The following CDH12 variants were observed in gnomAD, a reference collection of about 807,000 sequenced individuals.
The protein encoded by CDH12 is cadherin 12.
In CDH12, 41 loss-of-function variants were observed where a neutral mutation model predicts 74.1. The ratio of observed to expected loss-of-function variants is 0.55; its 90% confidence interval spans 0.43 to 0.72. The LOEUF (loss-of-function observed/expected upper bound fraction) is 0.72, where lower values mean the gene tolerates loss of function less well. CDH12 is among the 30% of genes least tolerant of loss of function. CDH12 has a pLI of 0.00. For missense variants in CDH12, 945 were observed against 977.2 expected, an observed-to-expected ratio of 0.97 and a Z score of 0.44; for synonymous variants, 399 against 355.0, an observed-to-expected ratio of 1.12 and a Z score of -1.39.
chr5:22,456,723 C>T (rs1745291327), intron 2 of CDH12, among the ~76,000 whole-genome samples: 1 of 152,046 alleles, frequency 6.6e-6, no homozygotes, highest in African/African-American at 2.4e-5. Context: ...TTAGCTCATG[C>T]AAGTTTCAGT....
chr5:21,942,083 A>C (rs1169552800), intron 6 of CDH12, among the ~76,000 whole-genome samples: 1 of 152,072 alleles, frequency 6.6e-6, no homozygotes, highest in Non-Finnish European at 1.5e-5. Context: ...TAAGACTGAG[A>C]AGATGCCTTC....
intron 6 of CDH12, among the ~76,000 whole-genome samples, chr5:21,902,673 C>G (rs1458589822): frequency 6.6e-6 from 1 of 152,152 alleles, no homozygotes; most frequent in Non-Finnish European, 1.5e-5. Context: ...TCTATCTGCT[C>G]TGAACAATAA....
At chr5:22,753,596 T>C (rs575312374) in intron 1 of CDH12, among the ~76,000 whole-genome samples, 27 of 149,530 alleles carry the variant, frequency 1.8e-4, no homozygotes, top group Non-Finnish European at 3.8e-4. Flanking sequence ...TTATGTGTTG[T>C]ATAAATGGAA....
At chr5:22,266,355 G>A (rs1319734610) in intron 3 of CDH12, among the ~76,000 whole-genome samples, 1 of 152,038 alleles carries the variant, frequency 6.6e-6, no homozygotes, top group Non-Finnish European at 1.5e-5. Flanking sequence ...TTACAGGTGT[G>A]AGCCACCATG....
At chr5:22,033,073 C>T (rs942909948) in intron 5 of CDH12, among the ~76,000 whole-genome samples, 21 of 148,278 alleles carry the variant, frequency 1.4e-4, no homozygotes, top group Middle Eastern at 3.6e-3. Context: ...CTGACTCAGA[C>T]TATTATTTTA....
At chr5:22,264,875 G>T (rs761928055) in intron 3 of CDH12, among the ~76,000 whole-genome samples, 12 of 152,142 alleles carry the variant, frequency 7.9e-5, no homozygotes, top group Non-Finnish European at 1.3e-4. Context: ...AATCCAATCT[G>T]TGTGTGCAAT....
chr5:21,952,418 A>G (rs1755903274), intron 6 of CDH12, among the ~76,000 whole-genome samples: 1 of 152,192 alleles, frequency 6.6e-6, no homozygotes, highest in Non-Finnish European at 1.5e-5. Flanking sequence ...TAAAAGCACT[A>G]GGATATTCAC....
At chr5:22,388,289 T>C (rs1254060329) in intron 3 of CDH12, among the ~76,000 whole-genome samples, 3 of 152,036 alleles carry the variant, frequency 2.0e-5, no homozygotes, top group African/African-American at 4.8e-5. Context: ...CTTTCATGTA[T>C]AAAGCAATTA....
At chr5:22,444,120 C>A (rs1260926040) in intron 2 of CDH12, among the ~76,000 whole-genome samples, 2 of 151,910 alleles carry the variant, frequency 1.3e-5, no homozygotes, top group African/African-American at 4.8e-5. Context: ...TAAAATTACA[C>A]AACTTGAAAA....
At chr5:22,027,946 G>A (rs1738497687) in intron 5 of CDH12, among the ~76,000 whole-genome samples, 1 of 151,908 alleles carries the variant, frequency 6.6e-6, no homozygotes, top group Middle Eastern at 3.4e-3. Flanking sequence ...TCTCTTGTGG[G>A]CATTTAGTGC....
chr5:21,765,286 T>A (rs1744959458), intron 11 of CDH12, among the ~76,000 whole-genome samples, 187 bp from the exon 12 acceptor site: 1 of 152,142 alleles, frequency 6.6e-6, no homozygotes, highest in Admixed American at 6.5e-5. Context: ...TAGAATTCAA[T>A]ACCAAAGTAA....
At chr5:22,404,356 C>T (rs767087052) in intron 3 of CDH12, among the ~76,000 whole-genome samples, 14 of 152,070 alleles carry the variant, frequency 9.2e-5, no homozygotes, top group African/African-American at 3.4e-4. Context: ...AGTCTCTATA[C>T]ATTTGGTATG....
intron 1 of CDH12, among the ~76,000 whole-genome samples, chr5:22,719,443 T>A (rs1488747851): frequency 3.9e-5 from 6 of 152,158 alleles, no homozygotes; most frequent in Non-Finnish European, 7.4e-5. Flanking sequence ...TAGCCTTCCA[T>A]CCTTTGCATT....
chr5:22,320,874 T>G (rs944031967), intron 3 of CDH12, among the ~76,000 whole-genome samples: 62 of 152,218 alleles, frequency 4.1e-4, no homozygotes, highest in African/African-American at 1.5e-3. Flanking sequence ...TCATCAGTTT[T>G]CTATAATTCC....
intron 10 of CDH12, among the ~76,000 whole-genome samples, chr5:21,797,679 C>T (rs1746866301): frequency 6.6e-6 from 1 of 152,000 alleles, no homozygotes; most frequent in Non-Finnish European, 1.5e-5. Flanking sequence ...ATAAAATGTA[C>T]AAAATAAAAA....
chr5:21,901,109 G>C (rs1753364154), intron 6 of CDH12, among the ~76,000 whole-genome samples: 1 of 152,122 alleles, frequency 6.6e-6, no homozygotes, highest in Non-Finnish European at 1.5e-5. Context: ...TAAACCCTTA[G>C]TGAAGTGATA....
intron 1 of CDH12, among the ~76,000 whole-genome samples, chr5:22,647,592 TCTC>T (rs1214695460): frequency 2.6e-5 from 4 of 151,674 alleles, no homozygotes; most frequent in African/African-American, 4.8e-5. Flanking sequence ...GTTTTTTCCT[TCTC>T]CTCTTGTAAG....
At chr5:22,314,237 CATG>C (rs1417574990) in intron 3 of CDH12, among the ~76,000 whole-genome samples, 1 of 152,122 alleles carries the variant, frequency 6.6e-6, no homozygotes, top group Non-Finnish European at 1.5e-5. Context: ...TTTTAAAAAC[CATG>C]ATGTTTAGGT....
chr5:22,512,689 G>GTGAAGTC (rs1490403475), intron 1 of CDH12, among the ~76,000 whole-genome samples: 1 of 152,206 alleles, frequency 6.6e-6, no homozygotes, highest in African/African-American at 2.4e-5. Context: ...TTAAAAGGAG[G>GTGAAGTC]TGAAGTCTGT....
Sources: allele counts gnomAD v4.1 joint callset (sites outside exome capture counted in the v4.1 genomes callset), GRCh38; gene constraint gnomAD v4.1.1; transcripts MANE v1.5; gene names NCBI Gene and HGNC (gene_info 2026-07-23, HGNC 2026-07-21).